OR52N4: variants seen among roughly 807,000 people sequenced by gnomAD.
OR52N4 encodes the protein olfactory receptor family 52 subfamily N member 4.
In OR52N4, 15 loss-of-function variants were observed where a neutral mutation model predicts 15.0. The observed-to-expected ratio is 1.00, with a 90% CI of 0.67 to 1.54. OR52N4 has a LOEUF of 1.54. Ranked by LOEUF, OR52N4 falls within the 40% of genes most tolerant of loss-of-function variation. The pLI is 0.00. For synonymous variants in OR52N4, 143 were observed against 143.7 expected (o/e 1.00, Z 0.03); for missense variants, 421 against 394.0 (o/e 1.07, Z -0.58).
upstream of OR52N4, among the ~76,000 whole-genome samples, chr11:5,749,711 C>G (rs1233762780): frequency 6.6e-6 from 1 of 151,776 alleles, no homozygotes; most frequent in South Asian, 2.1e-4. Flanking sequence ...GAGCAAGCAA[C>G]CCTCATATGA....
At chr11:5,736,872 T>C in the OR52N4 span, 4 of 1,614,054 alleles carry the variant, frequency 2.5e-6, no homozygotes, top group Non-Finnish European at 3.4e-6. Context: ...TTTGTGGGCA[T>C]GGAGTCTGGT....
At chr11:5,751,349 T>C (rs996984898), upstream of OR52N4, among the ~76,000 whole-genome samples, 1 of 152,052 alleles carries the variant, frequency 6.6e-6, no homozygotes, top group Non-Finnish European at 1.5e-5. Flanking sequence ...TGTTCTGCCT[T>C]TGTCATCTTT....
At chr11:5,751,415 T>C (rs1362554386), upstream of OR52N4, among the ~76,000 whole-genome samples, 1 of 152,018 alleles carries the variant, frequency 6.6e-6, no homozygotes, top group East Asian at 1.9e-4. Context: ...TGCCTTATGT[T>C]GTTTAGCTTT....
the OR52N4 span, among the ~76,000 whole-genome samples, chr11:5,739,776 T>C: frequency 7.8e-6 from 1 of 128,338 alleles, no homozygotes; most frequent in Non-Finnish European, 1.7e-5. Context: ...ATTAGATGCA[T>C]CTGCACCTTC....
chr11:5,755,249 A>C lies in OR52N4; in HGVS notation c.509A>C (p.Tyr170Ser), dbSNP rs75108386. Reference protein sequence around the residue: ...PFTFLTKLLPYCRGNILPHTY... With the variant: ...PFTFLTKLLPSCRGNILPHTY... The stretch of plus-strand genomic sequence containing the variant: ...ACTTTCCTCACCAAGCTCCTGCCCT[A>C]CTGCAGAGGCAATATACTTCCCCAT... The change falls in exon 2 of 2, where the codon TAC becomes TCC. Residue 170 changes from tyrosine (Y) to serine (S), a missense_variant. Coordinates refer to ENST00000641350, the MANE Select transcript of OR52N4 (RefSeq NM_001005175.5). 52,953 of 1,614,020 alleles carry C rather than the reference A, an allele frequency of 0.033. 1,106 individuals carry two copies. Among genetic ancestry groups the C allele is most frequent in the South Asian group, 0.069 (6,252 of 91,080 alleles).
chr11:5,748,212 A>C, the OR52N4 span, among the ~76,000 whole-genome samples: 1 of 151,948 alleles, frequency 6.6e-6, no homozygotes, highest in African/African-American at 2.4e-5. Flanking sequence ...AAACATATAT[A>C]GTTAATGCAT....
the OR52N4 span, among the ~76,000 whole-genome samples, chr11:5,741,676 T>C: frequency 2.0e-5 from 3 of 152,190 alleles, no homozygotes; most frequent in East Asian, 5.8e-4. Context: ...GGTGTGAGGA[T>C]AGGAGAGACA....
At chr11:5,737,250 A>T in the OR52N4 span, 2 of 1,614,126 alleles carry the variant, frequency 1.2e-6, no homozygotes, top group Admixed American at 1.7e-5. Context: ...GCTGCAGCCA[A>T]GGCCCTGAGC....
the OR52N4 span, chr11:5,736,979 C>G: frequency 2.5e-6 from 4 of 1,614,154 alleles, no homozygotes; most frequent in East Asian, 8.9e-5. Flanking sequence ...AAAAGCTACC[C>G]TGTTCATGGT....
the OR52N4 span, among the ~76,000 whole-genome samples, chr11:5,743,228 T>C: frequency 6.6e-6 from 1 of 151,980 alleles, no homozygotes; most frequent in African/African-American, 2.4e-5. Flanking sequence ...AGCAACCAGT[T>C]TCACAAAACA....
the OR52N4 span, chr11:5,727,058 T>C: frequency 6.5e-6 from 1 of 152,724 alleles, no homozygotes; most frequent in Non-Finnish European, 1.5e-5. Flanking sequence ...ATGGCTGTGG[T>C]GAAGCTGGCC....
the OR52N4 span, among the ~76,000 whole-genome samples, chr11:5,730,434 G>A: frequency 2.0e-5 from 3 of 151,364 alleles, no homozygotes; most frequent in African/African-American, 4.9e-5. Flanking sequence ...CTCGTGATCC[G>A]CCCGCCTCAG....
the OR52N4 span, among the ~76,000 whole-genome samples, chr11:5,748,554 G>A: frequency 9.6e-4 from 145 of 151,470 alleles, no homozygotes; most frequent in African/African-American, 3.4e-3. Flanking sequence ...TCTCTCACTT[G>A]AAAAAGTAAA....
chr11:5,729,114 A>ATATTCTTTT, the OR52N4 span, among the ~76,000 whole-genome samples: 371 of 82,892 alleles, frequency 4.5e-3, 22 homozygotes, highest in African/African-American at 0.015. Flanking sequence ...TTAAATTGAG[A>ATATTCTTTT]TTTTTTTTTT....
chr11:5,754,894 C>G lies in OR52N4; in HGVS notation c.154C>G (p.His52Asp). 3 of 1,613,628 alleles carry G rather than the reference C, an allele frequency of 1.9e-6. No individual in the cohort carries two copies. The highest frequency in any genetic ancestry group is 2.5e-6 in the Non-Finnish European group (3 of 1,179,620). ...VGNCGLLYLI[H>D]YEDALHKPMY... Reference sequence around the variant, plus strand: ...GAATTGTGGACTCCTCTACCTCATTCACTATGAGGATGCCCTGCACAAACC... The same window carrying G: ...GAATTGTGGACTCCTCTACCTCATTGACTATGAGGATGCCCTGCACAAACC... The change falls in exon 2 of 2, where the codon CAC becomes GAC. Residue 52 changes from histidine to aspartate, a missense_variant. Transcript: ENST00000641350.
Position 5,755,060 on chromosome 11 carries a change from ACACCTT to A in OR52N4, c.324_329del (p.Phe109_Thr110del). Reference sequence around the variant, plus strand: ...TGCCTTGTCCAGATGTTCTTCACCCACACCTTCACAGGGATGGAGTCTGGGGTGCTT... The same window carrying A: ...TGCCTTGTCCAGATGTTCTTCACCCACACAGGGATGGAGTCTGGGGTGCTT... On this transcript the variant is annotated inframe_deletion, in exon 2 of 2. Coordinates refer to ENST00000641350, the MANE Select transcript of OR52N4 (RefSeq NM_001005175.5). 6.2e-7 allele frequency: 1 copy of A among 1,614,024 alleles called. No homozygotes were observed.
chr11:5,737,257 G>A, the OR52N4 span: 1 of 1,614,114 alleles, frequency 6.2e-7, no homozygotes, highest in South Asian at 1.1e-5. Context: ...CCAAGGCCCT[G>A]AGCACTTGTA....
chr11:5,750,233 C>T (rs1854162130), upstream of OR52N4, among the ~76,000 whole-genome samples: 1 of 151,946 alleles, frequency 6.6e-6, no homozygotes. Flanking sequence ...CACATGGATA[C>T]TTATTTCACA....
chr11:5,729,077 C>T, the OR52N4 span, among the ~76,000 whole-genome samples: 1 of 150,836 alleles, frequency 6.6e-6, no homozygotes, highest in Admixed American at 6.6e-5. Context: ...TGTGATGTTC[C>T]CCTTCCTGTG....
Sources: allele counts gnomAD v4.1 joint callset (sites outside exome capture counted in the v4.1 genomes callset), GRCh38; gene constraint gnomAD v4.1.1; transcripts MANE v1.5; gene names NCBI Gene and HGNC (gene_info 2026-07-23, HGNC 2026-07-21).